Variants in CDH1 observed in about 807,000 individuals in gnomAD.
The protein encoded by CDH1 is cadherin-1.
A neutral mutation model predicts 84.5 loss-of-function variants in CDH1; 35 were observed. The ratio of observed to expected loss-of-function variants is 0.41; its 90% confidence interval spans 0.32 to 0.55. CDH1 has a LOEUF of 0.55. Among genes scored for constraint, CDH1 ranks in the 20% least tolerant of loss-of-function variants. The pLI is 0.19. For synonymous variants in CDH1, 417 were observed against 439.0 expected (o/e 0.95, Z 0.63); for missense variants, 994 against 1,126.6 (o/e 0.88, Z 1.68).
rs114192597 is a variant in CDH1, at chr16:68,815,547, T to A, written c.1353T>A (p.Ile451=). 6.2e-7 allele frequency: 1 copy of A among 1,614,236 alleles called. No homozygotes were observed. Among genetic ancestry groups the A allele is most frequent in the South Asian group, 1.1e-5 (1 of 91,082 alleles). The change falls in exon 10 of 16, where the codon ATT becomes ATA. Residue 451 remains isoleucine (I), a synonymous_variant. Transcript: ENST00000261769. ...ATTTTGAGGCCAAGCAGCAGTACAT[T>A]CTACACGTAGCAGTGACGAATGTGG... is the stretch of plus-strand genomic sequence containing the variant. ...GLDFEAKQQY[I]LHVAVTNVVP...
intron 5 of CDH1, 172 bp downstream of exon 5, chr16:68,809,020 G>C: frequency 1.5e-6 from 1 of 656,260 alleles, no homozygotes; most frequent in Non-Finnish European, 2.7e-6. Context: ...ACAGTTTGGG[G>C]TTGTTAATTT....
chr16:68,771,750 C>CAAA (rs34703363), intron 2 of CDH1, among the ~76,000 whole-genome samples: 2 of 140,654 alleles, frequency 1.4e-5, no homozygotes, highest in Non-Finnish European at 3.1e-5. Flanking sequence ...GACTCCCTCT[C>CAAA]AAAAAAAAAA....
chr16:68,787,651 A>G (rs1960093047), intron 2 of CDH1, among the ~76,000 whole-genome samples: 1 of 150,218 alleles, frequency 6.7e-6, no homozygotes, highest in Admixed American at 6.7e-5. Context: ...GCCTATAACT[A>G]TTGTTTTGTT....
chr16:68,752,921 C>T (rs1192985785), intron 2 of CDH1, among the ~76,000 whole-genome samples: 2 of 152,182 alleles, frequency 1.3e-5, no homozygotes, highest in Non-Finnish European at 2.9e-5. Context: ...ACACCCAACA[C>T]CTGCCCCCTG....
chr16:68,808,280 C>A, intron 3 of CDH1, 144 bp from the exon 4 acceptor site: 2 of 809,258 alleles, frequency 2.5e-6, no homozygotes, highest in Non-Finnish European at 4.1e-6. Flanking sequence ...TATAATTTGT[C>A]ATTGATAAGA....
intron 2 of CDH1, 70 bp downstream of exon 2, chr16:68,738,481 C>T (rs1029373444): frequency 1.9e-6 from 2 of 1,058,324 alleles, no homozygotes; most frequent in Admixed American, 2.2e-5. Context: ...AAATTGCACT[C>T]CCACACCCCT....
chr16:68,750,100 C>A (rs1463316306), intron 2 of CDH1, among the ~76,000 whole-genome samples: 1 of 148,874 alleles, frequency 6.7e-6, no homozygotes, highest in Admixed American at 6.8e-5. Flanking sequence ...GTGTGAGCCA[C>A]CAGGCCTGGC....
chr16:68,823,471 T>C lies in CDH1; in HGVS notation c.2009T>C (p.Met670Thr), dbSNP rs773006015. 6.2e-7 allele frequency: 1 copy of C among 1,613,926 alleles called. No individual in the cohort carries two copies. Among genetic ancestry groups the C allele is most frequent in the African/African-American group, 1.3e-5 (1 of 74,892 alleles). The change falls in exon 13 of 16, where the codon ATG becomes ACG. Residue 670 changes from methionine to threonine, a missense_variant. By Grantham distance (81) the Met-to-Thr change is moderately conservative. Transcript: ENST00000261769. The part of the protein sequence containing the change: ...VGDYKINLKL[M>T]DNQNKDQVTT... ...GACTACAAAATCAATCTCAAGCTCA[T>C]GGATAACCAGAATAAAGACCAAGTG...
chr16:68,775,831 C>T (rs765859862), intron 2 of CDH1, among the ~76,000 whole-genome samples: 4 of 152,148 alleles, frequency 2.6e-5, no homozygotes, highest in African/African-American at 7.2e-5. Context: ...TAGGTGTGGT[C>T]GTTTTCCAAA....
intron 2 of CDH1, among the ~76,000 whole-genome samples, chr16:68,774,706 T>C (rs2152121221): frequency 6.6e-6 from 1 of 152,200 alleles, no homozygotes; most frequent in Non-Finnish European, 1.5e-5. Flanking sequence ...CAAGCAGTGC[T>C]GGGGCCCTGG....
intron 2 of CDH1, among the ~76,000 whole-genome samples, chr16:68,760,985 C>T (rs1304316349): frequency 6.6e-6 from 1 of 152,176 alleles, no homozygotes; most frequent in African/African-American, 2.4e-5. Flanking sequence ...AGGAATATGA[C>T]AGATGGTATA....
intron 2 of CDH1, among the ~76,000 whole-genome samples, chr16:68,786,211 G>A (rs575967766): frequency 4.0e-5 from 6 of 151,738 alleles, no homozygotes; most frequent in South Asian, 2.1e-4. Flanking sequence ...TTGCTCTGTC[G>A]CCCAGGCCGG....
intron 2 of CDH1, among the ~76,000 whole-genome samples, chr16:68,756,681 T>A (rs1963026284): frequency 6.6e-6 from 1 of 152,218 alleles, no homozygotes. Flanking sequence ...TTGTATTTCT[T>A]GTAACTTTTG....
At chr16:68,804,270 C>T (rs574263238) in intron 3 of CDH1, among the ~76,000 whole-genome samples, 73 of 151,962 alleles carry the variant, frequency 4.8e-4, no homozygotes, top group African/African-American at 1.7e-3. Context: ...TCCGCCACCA[C>T]GCCTGGCTTA....
At position 68,753,539 on chromosome 16, in the gene CDH1, G is replaced by A. The variant is rs564008079; in HGVS notation, c.163+15128G>A. On this transcript the variant is annotated intron_variant, in intron 2 of 15. Coordinates refer to ENST00000261769, the MANE Select transcript of CDH1 (RefSeq NM_004360.5). ...TTTTTAATAGACACGGGGTTTCACC[G>A]TGTTACCCAGGATGGTCTCAATATC... is the stretch of plus-strand genomic sequence containing the variant. 6.0e-4 allele frequency among the ~76,000 whole-genome samples: 91 copies of A among 151,812 alleles called. No individual in the cohort carries two copies. In the South Asian group the frequency reaches 0.011, roughly 19 times the overall value.
At chr16:68,782,894 C>T (rs1384593344) in intron 2 of CDH1, among the ~76,000 whole-genome samples, 1 of 152,108 alleles carries the variant, frequency 6.6e-6, no homozygotes, top group East Asian at 1.9e-4. Context: ...CAGCACTTAT[C>T]ATTGAGGTCA....
intron 10 of CDH1, among the ~76,000 whole-genome samples, chr16:68,816,278 C>T (rs938930500): frequency 9.2e-5 from 14 of 152,300 alleles, no homozygotes; most frequent in African/African-American, 3.4e-4. Flanking sequence ...TCCTAAAGTG[C>T]TGGGATTACA....
rs202183535 is a variant in CDH1 at position 68,820,350 on chromosome 16, TA to T, written c.1711+927del. On this transcript the variant is annotated intron_variant, in intron 11 of 15. Coordinates refer to ENST00000261769, the MANE Select transcript of CDH1 (RefSeq NM_004360.5). The stretch of plus-strand genomic sequence containing the variant: ...CTTGTGTGACCTTGGATTTGCTGTT[TA>T]ATTTTTTTTTTTTTTTTGAGACAGA... Among the ~76,000 whole-genome samples the T allele has an allele frequency of 6.7e-3, 1,010 of 150,634 alleles. 32 individuals carry two copies. The highest frequency in any genetic ancestry group is 0.049 in the Admixed American group (744 of 15,144).
At chr16:68,741,249 G>A (rs1458137505) in intron 2 of CDH1, among the ~76,000 whole-genome samples, 1 of 152,162 alleles carries the variant, frequency 6.6e-6, no homozygotes, top group Non-Finnish European at 1.5e-5. Flanking sequence ...TGGACTGTGG[G>A]GTCTCCTTGT....
Sources: allele counts gnomAD v4.1 joint callset (sites outside exome capture counted in the v4.1 genomes callset), GRCh38; gene constraint gnomAD v4.1.1; transcripts MANE v1.5; gene names NCBI Gene and HGNC (gene_info 2026-07-23, HGNC 2026-07-21).